The following TTLL7 variants were observed in gnomAD, a reference collection of about 807,000 sequenced individuals.
The protein encoded by TTLL7 is tubulin polyglutamylase TTLL7.
Under a neutral mutation model 120.2 loss-of-function variants are expected in TTLL7, and 53 were observed. The observed-to-expected ratio is 0.44, with a 90% confidence interval of 0.35 to 0.55. The LOEUF (loss-of-function observed/expected upper bound fraction) is 0.55. Ranked by LOEUF, TTLL7 falls within the 20% of genes least tolerant of loss-of-function variation. The pLI is 0.00. For synonymous variants in TTLL7, 353 were observed against 351.7 expected, an observed-to-expected ratio of 1.00 and a Z score of -0.04; for missense variants, 803 against 1,054.7, an observed-to-expected ratio of 0.76 and a Z score of 3.31.
At chr1:83,949,711 G>C in intron 4 of TTLL7, 154 bp downstream of exon 4, 1 of 717,996 alleles carries the variant, frequency 1.4e-6, no homozygotes, top group East Asian at 2.8e-5. Context: ...TTCATGCAAA[G>C]AGCCAATACA....
intron 1 of TTLL7, among the ~76,000 whole-genome samples, chr1:83,996,088 T>G (rs766362153): frequency 3.3e-5 from 5 of 152,144 alleles, no homozygotes; most frequent in Non-Finnish European, 7.4e-5. Flanking sequence ...ATGTCAAAAA[T>G]GAATAGTGAT....
At chr1:83,899,487 A>C (rs1237859540) in intron 18 of TTLL7, among the ~76,000 whole-genome samples, 1 of 151,976 alleles carries the variant, frequency 6.6e-6, no homozygotes, top group South Asian at 2.1e-4. Context: ...TGCTGTAGTT[A>C]AGACCAGCCC....
chr1:83,922,583 A>G (rs1198650739), intron 10 of TTLL7, among the ~76,000 whole-genome samples: 1 of 152,166 alleles, frequency 6.6e-6, no homozygotes. Context: ...GTCAGGTAAA[A>G]GGAATAATTT....
chr1:83,998,792 G>A, intron 1 of TTLL7, 139 bp downstream of exon 1: 1 of 299,356 alleles, frequency 3.3e-6, no homozygotes. Flanking sequence ...TCCCCGTTCC[G>A]CGGCTCCCAG....
chr1:83,956,906 T>C (rs1187642529), intron 1 of TTLL7, among the ~76,000 whole-genome samples: 1 of 152,222 alleles, frequency 6.6e-6, no homozygotes, highest in African/African-American at 2.4e-5. Flanking sequence ...GTACTCTGTA[T>C]ATGTATTACC....
In TTLL7 at chr1:83,907,513, G is replaced by A. The variant is rs747500415; in HGVS notation, c.1935C>T (p.Ser645=). The change falls in exon 16 of 21, where the codon TCC becomes TCT. Residue 645 remains serine (S), a synonymous_variant. Transcript: ENST00000260505. ...ASRSHSLNRA[S]SYMRHLPHSN... is the part of the protein sequence containing the mutation. ...TGTGAGGCAGATGCCTCATGTAGGAGGAAGCACGGTTTAAGGAATGTGACC... is the reference window on the plus strand; with the variant it reads ...TGTGAGGCAGATGCCTCATGTAGGAAGAAGCACGGTTTAAGGAATGTGACC... 1 of 1,613,208 alleles carries A rather than the reference G, an allele frequency of 6.2e-7. No homozygotes were observed. Among genetic ancestry groups the A allele is most frequent in the Non-Finnish European group, 8.5e-7 (1 of 1,179,430 alleles).
intron 19 of TTLL7, chr1:83,885,075 C>G (rs544632317): frequency 7.7e-5 from 23 of 299,560 alleles, no homozygotes; most frequent in African/African-American, 4.7e-4. Flanking sequence ...AATCTACTTA[C>G]CTAATTTGAT....
intron 1 of TTLL7, among the ~76,000 whole-genome samples, chr1:83,981,924 A>G (rs1014141416): frequency 1.3e-5 from 2 of 152,188 alleles, no homozygotes; most frequent in African/African-American, 2.4e-5. Context: ...CAGCAAGGAT[A>G]CAGGAAAACT....
At chr1:83,975,788 A>C (rs1051429026) in intron 1 of TTLL7, among the ~76,000 whole-genome samples, 6 of 152,122 alleles carry the variant, frequency 3.9e-5, no homozygotes, top group Non-Finnish European at 8.8e-5. Context: ...TGTTCTTTTT[A>C]GTACAGATGT....
chr1:83,996,176 C>G (rs754986859), intron 1 of TTLL7, among the ~76,000 whole-genome samples: 1 of 152,000 alleles, frequency 6.6e-6, no homozygotes, highest in African/African-American at 2.4e-5. Flanking sequence ...TCATAATTAT[C>G]TAATGGGGGC....
chr1:83,964,563 C>G lies in TTLL7; in HGVS notation c.-176-12176G>C, dbSNP rs570682827. ...TAAACTTGTTTTTAATGCTCATCATCTTATTGGGTGTTCCAGCAAGAAAAA... is the reference window on the plus strand; with the variant it reads ...TAAACTTGTTTTTAATGCTCATCATGTTATTGGGTGTTCCAGCAAGAAAAA... On this transcript the variant is annotated intron_variant, in intron 1 of 20. Coordinates refer to ENST00000260505, the MANE Select transcript of TTLL7 (RefSeq NM_024686.6). Among the ~76,000 whole-genome samples the G allele has an allele frequency of 1.9e-4, 29 of 152,150 alleles. No individual in the cohort carries two copies. In the South Asian group the frequency reaches 4.8e-3, roughly 25 times the overall value.
intron 1 of TTLL7, among the ~76,000 whole-genome samples, chr1:83,987,313 G>A (rs189250556): frequency 6.6e-6 from 1 of 150,994 alleles, no homozygotes; most frequent in East Asian, 1.9e-4. Flanking sequence ...AATCAATGAA[G>A]ACTTAAACAC....
At chr1:83,881,296 G>A (rs1473767148) in intron 20 of TTLL7, among the ~76,000 whole-genome samples, 13 of 150,440 alleles carry the variant, frequency 8.6e-5, no homozygotes, top group Non-Finnish European at 1.5e-5. Flanking sequence ...CCATCAGAGT[G>A]AACAGGCAAC....
rs752601007 is a variant in TTLL7 at position 83,947,175 on chromosome 1, C to T, written c.455G>A (p.Arg152Gln). The change falls in exon 6 of 21, where the codon CGG becomes CAG. Residue 152 changes from arginine to glutamine, a missense_variant. Physicochemically the swap from Arg to Gln is conservative, Grantham distance 43. This residue lies in a region of TTLL7 where 324 missense variants were observed against 507.7 expected (regional missense o/e 0.64). Coordinates refer to ENST00000260505, the MANE Select transcript of TTLL7 (RefSeq NM_024686.6). ...TTTCACTATAAAAGTTTTCTGCTTCCGTTTTTTCTTCAATTCTTTCACATA... is the reference window on the plus strand; with the variant it reads ...TTTCACTATAAAAGTTTTCTGCTTCTGTTTTTTCTTCAATTCTTTCACATA... ...QNYVKELKKK[R>Q]KQKTFIVKPA... 15 of 1,613,080 alleles carry T rather than the reference C, an allele frequency of 9.3e-6. No homozygotes were observed. Among genetic ancestry groups the T allele is most frequent in the South Asian group, 4.4e-5 (4 of 90,954 alleles).
chr1:83,883,742 T>C (rs537545815), intron 19 of TTLL7, among the ~76,000 whole-genome samples: 1 of 152,166 alleles, frequency 6.6e-6, no homozygotes, highest in East Asian at 1.9e-4. Flanking sequence ...TAAGAATGAA[T>C]GATCCCTTGA....
At chr1:83,959,558 T>C (rs1194922534) in intron 1 of TTLL7, among the ~76,000 whole-genome samples, 3 of 152,164 alleles carry the variant, frequency 2.0e-5, no homozygotes, top group African/African-American at 7.2e-5. Context: ...GGGATGAAGT[T>C]TGCTAATCTA....
rs1246008779 is a variant in TTLL7, at chr1:83,867,702, G to T, written c.*2260C>A. Reference sequence around the variant, plus strand: ...TAAGATAATGCAAATGAGTGGCCGAGAAACTGGGCTGTTATCATATATCAG... The same window carrying T: ...TAAGATAATGCAAATGAGTGGCCGATAAACTGGGCTGTTATCATATATCAG... On this transcript the variant is annotated 3_prime_UTR_variant, in exon 21 of 21. Coordinates refer to ENST00000260505, the MANE Select transcript of TTLL7 (RefSeq NM_024686.6). 1.3e-5 allele frequency: 2 copies of T among 151,950 alleles called. No homozygotes were observed. Among genetic ancestry groups the T allele is most frequent in the African/African-American group, 2.4e-5 (1 of 41,392 alleles). 9.4% of individuals were successfully genotyped at this position (151,950 alleles called of 1,614,324 possible).
intron 20 of TTLL7, among the ~76,000 whole-genome samples, chr1:83,878,250 G>A (rs931185944): frequency 6.0e-5 from 9 of 150,498 alleles, no homozygotes; most frequent in African/African-American, 1.2e-4. Context: ...ATTTCCCATC[G>A]TGCCTGGTGT....
chr1:83,943,631 C>T (rs956554187), intron 6 of TTLL7, among the ~76,000 whole-genome samples: 1 of 152,170 alleles, frequency 6.6e-6, no homozygotes, highest in Non-Finnish European at 1.5e-5. Flanking sequence ...ACACAGACTA[C>T]AACTACTACA....
Sources: allele counts gnomAD v4.1 joint callset (sites outside exome capture counted in the v4.1 genomes callset), GRCh38; gene constraint gnomAD v4.1.1; regional missense constraint gnomAD v4.1.1; transcripts MANE v1.5; gene names NCBI Gene and HGNC (gene_info 2026-07-23, HGNC 2026-07-21).